The following HECW2 variants were observed in gnomAD, a reference collection of about 807,000 sequenced individuals.
HECW2 encodes E3 ubiquitin-protein ligase HECW2.
In HECW2, 61 loss-of-function variants were observed where a neutral mutation model predicts 175.2. The ratio of observed to expected loss-of-function variants is 0.35; its 90% CI spans 0.28 to 0.43. The LOEUF is 0.43. HECW2 is among the 20% of genes least tolerant of loss of function. HECW2 has a pLI of 1.00. For synonymous variants in HECW2, 671 were observed against 731.0 expected (o/e 0.92, Z 1.32); for missense variants, 1,524 against 2,000.5 (o/e 0.76, Z 4.54).
intron 17 of HECW2, chr2:196,263,816 T>C (rs1400636869): frequency 6.6e-6 from 1 of 152,234 alleles, no homozygotes; most frequent in Non-Finnish European, 1.5e-5. Context: ...TAACTCTGTT[T>C]CCTCATGTTA....
intron 15 of HECW2, 60 bp downstream of exon 15, chr2:196,278,468 C>G: frequency 6.6e-7 from 1 of 1,508,938 alleles, no homozygotes; most frequent in Non-Finnish European, 9.0e-7. Flanking sequence ...ATTCCTCAAA[C>G]CATCACATAC....
At chr2:196,287,252 A>G (rs111605458) in intron 14 of HECW2, among the ~76,000 whole-genome samples, 2,405 of 152,334 alleles carry the variant, frequency 0.016, 68 homozygotes, top group African/African-American at 0.054. Flanking sequence ...ATGGAAGCCA[A>G]TTTAGCTGGG....
At chr2:196,344,979 C>T (rs1268927228) in intron 2 of HECW2, among the ~76,000 whole-genome samples, 3 of 152,158 alleles carry the variant, frequency 2.0e-5, no homozygotes, top group Non-Finnish European at 4.4e-5. Flanking sequence ...GGTTGCCCTA[C>T]TAGTTTCATC....
chr2:196,466,394 G>A (rs1231691005), intron 1 of HECW2, among the ~76,000 whole-genome samples: 2 of 152,182 alleles, frequency 1.3e-5, no homozygotes, highest in South Asian at 2.1e-4. Flanking sequence ...TCTGTCCCTG[G>A]GTTTAGATAA....
At chr2:196,553,810 C>G (rs946947987) in intron 1 of HECW2, among the ~76,000 whole-genome samples, 6 of 152,172 alleles carry the variant, frequency 3.9e-5, no homozygotes, top group African/African-American at 1.4e-4. Flanking sequence ...CCTAAAACAC[C>G]ATTAACTTGA....
intron 14 of HECW2, among the ~76,000 whole-genome samples, chr2:196,287,047 G>A (rs1031017237): frequency 2.0e-5 from 3 of 152,206 alleles, no homozygotes; most frequent in African/African-American, 7.2e-5. Context: ...GGTAAAATGA[G>A]AATTCTCAAA....
chr2:196,511,024 G>A (rs1687934769), intron 1 of HECW2, among the ~76,000 whole-genome samples: 1 of 152,158 alleles, frequency 6.6e-6, no homozygotes, highest in Admixed American at 6.5e-5. Flanking sequence ...GGAGCGCAGT[G>A]GTGTGATCTT....
intron 14 of HECW2, among the ~76,000 whole-genome samples, chr2:196,283,956 G>A (rs1575354999): frequency 6.6e-6 from 1 of 152,104 alleles, no homozygotes; most frequent in Admixed American, 6.5e-5. Flanking sequence ...CCATGTTTCT[G>A]TCTGACCCCA....
intron 4 of HECW2, among the ~76,000 whole-genome samples, chr2:196,330,925 G>T (rs1692334088): frequency 6.6e-6 from 1 of 151,900 alleles, no homozygotes; most frequent in Non-Finnish European, 1.5e-5. Flanking sequence ...TACTGCCCAG[G>T]TCTGATTTTT....
At chr2:196,285,390 C>T (rs1440348075) in intron 14 of HECW2, among the ~76,000 whole-genome samples, 2 of 152,136 alleles carry the variant, frequency 1.3e-5, no homozygotes, top group East Asian at 1.9e-4. Flanking sequence ...AAAGACAGAA[C>T]ATCCGATCTT....
chr2:196,252,547 C>G (rs965819625), intron 19 of HECW2, among the ~76,000 whole-genome samples: 5 of 152,154 alleles, frequency 3.3e-5, no homozygotes, highest in Non-Finnish European at 7.4e-5. Context: ...GTACCTCCCC[C>G]CTGCTCTCTC....
At chr2:196,317,572 A>T (rs1042900794) in intron 9 of HECW2, among the ~76,000 whole-genome samples, 1 of 152,108 alleles carries the variant, frequency 6.6e-6, no homozygotes, top group Admixed American at 6.5e-5. Context: ...TGTCCTCTGC[A>T]TGTATCCCCC....
chr2:196,236,111 A>G (rs1409100642), intron 21 of HECW2, among the ~76,000 whole-genome samples: 1 of 152,254 alleles, frequency 6.6e-6, no homozygotes, highest in Admixed American at 6.5e-5. Context: ...CACAGTTGAC[A>G]TAAGCAACAC....
intron 5 of HECW2, among the ~76,000 whole-genome samples, chr2:196,327,097 T>C (rs1273990949): frequency 2.6e-5 from 4 of 152,230 alleles, no homozygotes; most frequent in Non-Finnish European, 5.9e-5. Context: ...AAGGGTTCTC[T>C]TTGTAGTAAA....
At chr2:196,273,698 A>C (rs1007237437) in intron 16 of HECW2, among the ~76,000 whole-genome samples, 2 of 152,148 alleles carry the variant, frequency 1.3e-5, no homozygotes, top group Non-Finnish European at 2.9e-5. Flanking sequence ...TGCTAGTCCA[A>C]ATTCTTAATT....
chr2:196,269,710 T>C (rs1214754546), intron 17 of HECW2, among the ~76,000 whole-genome samples: 1 of 152,044 alleles, frequency 6.6e-6, no homozygotes, highest in African/African-American at 2.4e-5. Flanking sequence ...AATTGGAAAA[T>C]AACGCATAAG....
intron 1 of HECW2, among the ~76,000 whole-genome samples, chr2:196,486,265 T>G (rs772459570): frequency 6.6e-6 from 1 of 152,170 alleles, no homozygotes; most frequent in Non-Finnish European, 1.5e-5. Flanking sequence ...GTCACAACAT[T>G]TCTCTATGCA....
chr2:196,454,670 C>A (rs1283403380), intron 1 of HECW2, among the ~76,000 whole-genome samples: 1 of 152,188 alleles, frequency 6.6e-6, no homozygotes, highest in African/African-American at 2.4e-5. Flanking sequence ...CTTCCAAATA[C>A]CTTCACCAAC....
chr2:196,321,607 C>T (rs1419063280), intron 7 of HECW2, among the ~76,000 whole-genome samples: 2 of 151,992 alleles, frequency 1.3e-5, no homozygotes, highest in Admixed American at 1.3e-4. Flanking sequence ...ACTATGTTGG[C>T]CAGGCTGGTC....
Sources: gnomAD v4.1 joint callset for allele counts (sites outside exome capture counted in the v4.1 genomes callset) on GRCh38, gnomAD v4.1.1 for gene constraint, MANE v1.5 for transcripts, NCBI Gene and HGNC (gene_info 2026-07-23, HGNC 2026-07-21) for gene names.